Variants in EML1 observed in about 807,000 individuals in gnomAD.
The protein encoded by EML1 is echinoderm microtubule-associated protein-like 1.
In EML1, 27 loss-of-function variants were observed where a neutral mutation model predicts 110.4. That is an observed-to-expected ratio of 0.24 (90% CI 0.18 to 0.34). The LOEUF is 0.34. Among genes scored for constraint, EML1 ranks in the 10% least tolerant of loss-of-function variants. EML1 has a pLI of 1.00. For missense variants in EML1, 741 were observed against 1,030.9 expected (o/e 0.72, Z 3.85); for synonymous variants, 344 against 385.8 (o/e 0.89, Z 1.27).
chr14:99,745,364 C>G (rs75604884), intron 1 of EML1, among the ~76,000 whole-genome samples: 2,181 of 152,270 alleles, frequency 0.014, 39 homozygotes, highest in Non-Finnish European at 0.022. Flanking sequence ...TCATCCGGCC[C>G]CAAATGACTT....
intron 1 of EML1, among the ~76,000 whole-genome samples, chr14:99,762,691 C>CGA (rs1309051039): frequency 6.6e-6 from 1 of 152,048 alleles, no homozygotes; most frequent in African/African-American, 2.4e-5. Context: ...CCCAACTACA[C>CGA]GAGAGGCTGA....
At chr14:99,752,697 A>G (rs1267713127) in intron 1 of EML1, among the ~76,000 whole-genome samples, 1 of 152,098 alleles carries the variant, frequency 6.6e-6, no homozygotes, top group East Asian at 1.9e-4. Flanking sequence ...CTGGTAAACC[A>G]CAGCTTTCAG....
At position 99,939,224 on chromosome 14, in the gene EML1, C is replaced by T; in HGVS notation, c.2219C>T (p.Thr740Ile). The part of the protein sequence containing the change: ...FGVWPEGSDG[T>I]DINAVCRAHE... ...GTGTGGCCAGAAGGCTCGGACGGAACCGACATCAATGCCGTCTGTCGGGCC... is the reference window on the plus strand; with the variant it reads ...GTGTGGCCAGAAGGCTCGGACGGAATCGACATCAATGCCGTCTGTCGGGCC... Residue 740 changes from threonine to isoleucine, a missense_variant, in exon 21 of 22, where the codon ACC becomes ATC. Thr to Ile is a moderately conservative substitution (Grantham distance 89). Transcript: ENST00000262233. This position sits in a 1 kb window ranked among gnomAD's most constrained non-coding sequence, Gnocchi z 4.2. The T allele has an allele frequency of 6.2e-7, 1 of 1,614,184 alleles. No individual in the cohort carries two copies. Among genetic ancestry groups the T allele is most frequent in the Non-Finnish European group, 8.5e-7 (1 of 1,180,014 alleles).
At chr14:99,776,697 G>A (rs577878681) in intron 1 of EML1, among the ~76,000 whole-genome samples, 2 of 152,298 alleles carry the variant, frequency 1.3e-5, no homozygotes, top group East Asian at 3.9e-4. Flanking sequence ...TTGTCATCAC[G>A]AGTAATATTG....
rs1230450046 is a variant in EML1 at position 99,936,149 on chromosome 14, T to C, written c.2007+23T>C. On this transcript the variant is annotated intron_variant, in intron 18 of 21. Transcript: ENST00000262233. This position sits in a 1 kb window ranked among gnomAD's most constrained non-coding sequence, Gnocchi z 5.5. ...TCGGTAAGCGCTGACAGTGGACCTG[T>C]CGCTTCTCATGCACTGCGTATAGTT... The C allele has an allele frequency of 1.2e-6, 2 of 1,613,760 alleles. No homozygotes were observed. Among genetic ancestry groups the C allele is most frequent in the South Asian group, 2.2e-5 (2 of 91,078 alleles).
intron 1 of EML1, among the ~76,000 whole-genome samples, chr14:99,831,367 G>C (rs1432838743): frequency 2.0e-5 from 3 of 152,140 alleles, no homozygotes; most frequent in Non-Finnish European, 4.4e-5. Flanking sequence ...GCTGCTCCAG[G>C]GACCCGGGAC....
chr14:99,927,811 G>T (rs2060265824), intron 17 of EML1, among the ~76,000 whole-genome samples: 1 of 58,806 alleles, frequency 1.7e-5, no homozygotes, highest in Non-Finnish European at 3.1e-5. Flanking sequence ...GGGGGGGGTG[G>T]GGGGGTGGTG....
At chr14:99,852,385 C>T (rs941839291) in intron 2 of EML1, among the ~76,000 whole-genome samples, 3 of 152,320 alleles carry the variant, frequency 2.0e-5, no homozygotes, top group South Asian at 2.1e-4. Flanking sequence ...AAGGCTGAGG[C>T]GGTCAGATCA....
At chr14:99,809,555 G>A (rs1030961879) in intron 1 of EML1, 2 of 441,734 alleles carry the variant, frequency 4.5e-6, no homozygotes, top group African/African-American at 4.0e-5. Context: ...TGCACTGCCA[G>A]CTTTCTGGGT....
intron 1 of EML1, among the ~76,000 whole-genome samples, chr14:99,841,586 A>T (rs1438997299): frequency 6.6e-6 from 1 of 152,200 alleles, no homozygotes; most frequent in East Asian, 1.9e-4. Context: ...AACCCTTAGC[A>T]GACTACTCTC....
intron 1 of EML1, among the ~76,000 whole-genome samples, chr14:99,766,774 T>G (rs2057372917): frequency 6.6e-6 from 1 of 152,238 alleles, no homozygotes; most frequent in South Asian, 2.1e-4. Context: ...CGAAGCCAGC[T>G]GATTTCCACA....
At chr14:99,782,133 C>T (rs1249063382) in intron 1 of EML1, among the ~76,000 whole-genome samples, 1 of 152,168 alleles carries the variant, frequency 6.6e-6, no homozygotes, top group East Asian at 1.9e-4. Flanking sequence ...CTGCCCTTTC[C>T]CCTCTCCTTC....
At chr14:99,808,188 C>T (rs2058012896) in intron 1 of EML1, among the ~76,000 whole-genome samples, 1 of 152,204 alleles carries the variant, frequency 6.6e-6, no homozygotes, top group South Asian at 2.1e-4. Context: ...TTGCCACCAT[C>T]AGCTAGTGAG....
At chr14:99,793,231 G>A (rs2057700636), upstream of EML1, 2 of 619,762 alleles carry the variant, frequency 3.2e-6, no homozygotes, top group Admixed American at 6.6e-5. Context: ...GCCCCGCCAC[G>A]TCCCCCTCCC....
chr14:99,793,098 T>C (rs2057697226), upstream of EML1, among the ~76,000 whole-genome samples: 1 of 149,870 alleles, frequency 6.7e-6, no homozygotes, highest in Admixed American at 6.6e-5. Context: ...TGAGCCCCCG[T>C]GCGCGGAGGC....
intron 3 of EML1, among the ~76,000 whole-genome samples, chr14:99,866,570 CAAAAAAAAAAA>C (rs57796662): frequency 2.5e-5 from 2 of 80,130 alleles, no homozygotes; most frequent in East Asian, 1.1e-3. Context: ...AACTCCATCT[CAAAAAAAAAAA>C]AAAAAAAAAA....
intron 1 of EML1, among the ~76,000 whole-genome samples, chr14:99,837,666 C>T (rs1566890749): frequency 1.3e-5 from 2 of 152,186 alleles, no homozygotes; most frequent in South Asian, 2.1e-4. Flanking sequence ...TCTTCCATAG[C>T]CGAACATATC....
intron 1 of EML1, among the ~76,000 whole-genome samples, chr14:99,752,813 C>T (rs2057191994): frequency 6.6e-6 from 1 of 152,100 alleles, no homozygotes; most frequent in Admixed American, 6.5e-5. Context: ...GCCTGGTTTC[C>T]TTTAGAAAAT....
chr14:99,755,116 A>T (rs2057232827), intron 1 of EML1, among the ~76,000 whole-genome samples: 1 of 152,270 alleles, frequency 6.6e-6, no homozygotes, highest in African/African-American at 2.4e-5. Flanking sequence ...TTGGTGCCTT[A>T]TCTTTCCTGG....
Sources: allele counts gnomAD v4.1 joint callset (sites outside exome capture counted in the v4.1 genomes callset), GRCh38; gene constraint gnomAD v4.1.1; non-coding constraint Gnocchi (gnomAD v3.1); transcripts MANE v1.5; gene names NCBI Gene and HGNC (gene_info 2026-07-23, HGNC 2026-07-21).